MTA3: variants seen among roughly 807,000 people sequenced by gnomAD.
The protein encoded by MTA3 is metastasis associated 1 family member 3.
In MTA3, 34 loss-of-function variants were observed where a neutral mutation model predicts 83.5. The observed-to-expected ratio is 0.41, with a 90% CI of 0.31 to 0.54. The LOEUF (loss-of-function observed/expected upper bound fraction) is 0.54, where lower values mean the gene tolerates loss of function less well. Ranked by LOEUF, MTA3 falls within the 20% of genes least tolerant of loss-of-function variation. MTA3 has a pLI of 0.33. For missense variants in MTA3, 761 were observed against 726.4 expected (o/e 1.05, Z -0.55); for synonymous variants, 303 against 252.7 (o/e 1.20, Z -1.89).
At chr2:42,736,607 G>A (rs1024742180) in intron 16 of MTA3, among the ~76,000 whole-genome samples, 3 of 152,096 alleles carry the variant, frequency 2.0e-5, no homozygotes, top group African/African-American at 2.4e-5. Context: ...TCTACCTGGT[G>A]TTCTACCCTA....
At chr2:42,527,995 G>A (rs1053388108) in intron 2 of MTA3, among the ~76,000 whole-genome samples, 3 of 152,108 alleles carry the variant, frequency 2.0e-5, no homozygotes, top group Non-Finnish European at 2.9e-5. Flanking sequence ...TGCAATCTCA[G>A]TTCACTGCAG....
intron 2 of MTA3, among the ~76,000 whole-genome samples, chr2:42,552,218 G>C (rs910789249): frequency 2.0e-5 from 3 of 152,100 alleles, no homozygotes; most frequent in African/African-American, 7.2e-5. Context: ...GCATGTCTAG[G>C]GAATAATCAG....
chr2:42,602,341 A>G (rs1161264762), intron 3 of MTA3, among the ~76,000 whole-genome samples: 1 of 152,180 alleles, frequency 6.6e-6, no homozygotes, highest in Admixed American at 6.5e-5. Context: ...CTGCAAATAA[A>G]GCTCCTATGA....
At chr2:42,627,575 T>A (rs1019231024) in intron 4 of MTA3, among the ~76,000 whole-genome samples, 3 of 152,114 alleles carry the variant, frequency 2.0e-5, no homozygotes, top group African/African-American at 7.2e-5. Flanking sequence ...TTCTTTTTTT[T>A]AAATTTGAAA....
intron 2 of MTA3, among the ~76,000 whole-genome samples, chr2:42,552,623 CAAAAAA>C (rs536783114): frequency 1.1e-5 from 1 of 88,408 alleles, no homozygotes; most frequent in African/African-American, 4.0e-5. Context: ...ACTCCTTGTC[CAAAAAA>C]AAAAAAAAAA....
intron 9 of MTA3, 25 bp from the exon 10 acceptor site, chr2:42,695,740 A>G (rs778073470): frequency 3.0e-6 from 4 of 1,349,910 alleles, no homozygotes; most frequent in African/African-American, 1.8e-5. Context: ...AACATAGATG[A>G]TAGGTTGATT....
At position 42,755,760 on chromosome 2, in the gene MTA3, G is replaced by T. The variant is rs1670198570; in HGVS notation, c.*2361G>T. On this transcript the variant is annotated 3_prime_UTR_variant, in exon 17 of 17. Transcript: ENST00000405094. Reference sequence around the variant, plus strand: ...CATGGTGTCCCTGCTGTGTGTCAGTGGCATGTCACTGTGGTTCAGTGAGCA... The same window carrying T: ...CATGGTGTCCCTGCTGTGTGTCAGTTGCATGTCACTGTGGTTCAGTGAGCA... 8 of 985,552 alleles carry T rather than the reference G, an allele frequency of 8.1e-6. No homozygotes were observed. The highest frequency in any genetic ancestry group is 9.6e-6 in the Non-Finnish European group (8 of 830,034). The allele number at this position is 985,552 out of a possible 1,614,324, so 61.1% of individuals were successfully genotyped here.
chr2:42,658,222 T>C (rs1449884124), intron 7 of MTA3, among the ~76,000 whole-genome samples: 2 of 151,800 alleles, frequency 1.3e-5, no homozygotes, highest in African/African-American at 4.8e-5. Context: ...TACTCTCATA[T>C]CCTGCTGGTG....
chr2:42,569,072 A>C (rs886531003), intron 1 of MTA3, among the ~76,000 whole-genome samples: 1 of 151,896 alleles, frequency 6.6e-6, no homozygotes, highest in Non-Finnish European at 1.5e-5. Context: ...CGAAACCCTC[A>C]TCGGGGTAGG....
intron 2 of MTA3, among the ~76,000 whole-genome samples, chr2:42,540,629 G>A (rs540123764): frequency 7.2e-5 from 11 of 151,940 alleles, no homozygotes; most frequent in East Asian, 4.0e-4. Context: ...GAGGCCAGGC[G>A]TTCAAGACCA....
chr2:42,505,771 T>TTTTC (rs1355852670), intron 2 of MTA3, among the ~76,000 whole-genome samples: 1 of 38,918 alleles, frequency 2.6e-5, no homozygotes, highest in East Asian at 3.7e-4. Context: ...AAATTGATAA[T>TTTTC]TTTTTTTTTT....
chr2:42,631,532 C>G (rs961193132), intron 4 of MTA3, among the ~76,000 whole-genome samples: 13 of 151,886 alleles, frequency 8.6e-5, no homozygotes, highest in Non-Finnish European at 1.6e-4. Flanking sequence ...TTTGTGGCTA[C>G]ATAGGTGTAT....
intron 2 of MTA3, among the ~76,000 whole-genome samples, chr2:42,551,924 C>T (rs923565050): frequency 2.0e-5 from 3 of 152,078 alleles, no homozygotes; most frequent in Admixed American, 1.3e-4. Flanking sequence ...GACGGGGTTT[C>T]ACCATGTTGG....
intron 16 of MTA3, among the ~76,000 whole-genome samples, chr2:42,745,178 A>G (rs1363378711): frequency 6.6e-6 from 1 of 152,386 alleles, no homozygotes; most frequent in African/African-American, 2.4e-5. Flanking sequence ...GTGATGACAT[A>G]TAAATGAATA....
intron 2 of MTA3, among the ~76,000 whole-genome samples, chr2:42,570,818 C>G (rs1162408229): frequency 1.3e-5 from 2 of 151,954 alleles, no homozygotes; most frequent in Non-Finnish European, 2.9e-5. Flanking sequence ...CGAGACCAGC[C>G]TGACCAACAT....
At chr2:42,530,131 G>C (rs1017422281) in intron 2 of MTA3, among the ~76,000 whole-genome samples, 1 of 150,406 alleles carries the variant, frequency 6.6e-6, no homozygotes, top group Non-Finnish European at 1.5e-5. Context: ...GTTGCAGTGA[G>C]CCAAGATCAT....
rs113075210 is a variant in MTA3, at chr2:42,584,028, A to G, written c.190+4828A>G. On this transcript the variant is annotated intron_variant, in intron 3 of 16. Coordinates refer to ENST00000405094, the MANE Select transcript of MTA3 (RefSeq NM_001330442.2). ...CTGACTAATTTTATATTTTTAGTAGAGACGGGGTTTCTCTGTATTGGTCAG... is the reference window on the plus strand; with the variant it reads ...CTGACTAATTTTATATTTTTAGTAGGGACGGGGTTTCTCTGTATTGGTCAG... Among the ~76,000 whole-genome samples the G allele has an allele frequency of 9.9e-3, 1,509 of 151,842 alleles. 31 individuals carry two copies. The highest frequency in any genetic ancestry group is 0.035 in the African/African-American group (1,432 of 41,392).
chr2:42,606,704 G>T (rs1170358091), intron 3 of MTA3, among the ~76,000 whole-genome samples: 3 of 151,502 alleles, frequency 2.0e-5, no homozygotes, highest in African/African-American at 7.3e-5. Context: ...CTGCAATCTC[G>T]GCACTTTGGG....
chr2:42,673,574 T>G (rs1691039640), intron 8 of MTA3, among the ~76,000 whole-genome samples: 1 of 152,224 alleles, frequency 6.6e-6, no homozygotes, highest in Admixed American at 6.5e-5. Context: ...TTGGGTTCCC[T>G]GGAAGCAGAT....
Sources: allele counts gnomAD v4.1 joint callset (sites outside exome capture counted in the v4.1 genomes callset), GRCh38; gene constraint gnomAD v4.1.1; transcripts MANE v1.5; gene names NCBI Gene and HGNC (gene_info 2026-07-23, HGNC 2026-07-21).